The following ZNF827 variants were observed in gnomAD, a reference collection of about 807,000 sequenced individuals.
The protein encoded by ZNF827 is zinc finger protein 827.
A neutral mutation model predicts 102.4 loss-of-function variants in ZNF827; 13 were observed. The observed-to-expected ratio is 0.13, with a 90% CI of 0.08 to 0.20. The LOEUF (loss-of-function observed/expected upper bound fraction) is 0.20, where lower values mean the gene tolerates loss of function less well. Ranked by LOEUF, ZNF827 falls within the 10% of genes least tolerant of loss-of-function variation. The pLI is 1.00. For synonymous variants in ZNF827, 523 were observed against 536.2 expected (o/e 0.98, Z 0.34); for missense variants, 1,103 against 1,344.4 (o/e 0.82, Z 2.81).
chr4:145,876,817 C>T (rs916972092), intron 4 of ZNF827: 2 of 152,190 alleles, frequency 1.3e-5, no homozygotes, highest in Non-Finnish European at 2.9e-5. Flanking sequence ...ATGTTGTCAA[C>T]TTTGAAGCAA....
chr4:145,763,811 T>A lies in ZNF827; in HGVS notation c.3231-689A>T, dbSNP rs527664141. 2.6e-5 allele frequency among the ~76,000 whole-genome samples: 4 copies of A among 152,334 alleles called. No homozygotes were observed. In the South Asian group the frequency reaches 8.3e-4, roughly 32 times the overall value. On this transcript the variant is annotated intron_variant, in intron 13 of 14. Transcript: ENST00000508784. This position sits in a 1 kb window ranked among gnomAD's most constrained non-coding sequence, Gnocchi z 4.6. ...TCCTAGGCATTTCCCATCTACTGGT[T>A]TCCTTGAATTATAATCACCCCCTCC...
intron 1 of ZNF827, among the ~76,000 whole-genome samples, chr4:145,932,412 C>G (rs564271085): frequency 2.4e-3 from 368 of 152,096 alleles, no homozygotes; most frequent in African/African-American, 8.0e-3. Context: ...CCCAGCCAGG[C>G]ACCATACATT....
In ZNF827 at chr4:145,884,485, G is replaced by A. The variant is rs1026585494; in HGVS notation, c.1747+1193C>T. Among the ~76,000 whole-genome samples, 6 of 152,142 alleles carry A rather than the reference G, an allele frequency of 3.9e-5. 1 individual carries two copies. Among genetic ancestry groups the A allele is most frequent in the South Asian group, 4.2e-4 (2 of 4,816 alleles). ...CTCCAAAGAGCTGACATGGCATTTG[G>A]AAATCATCGTGGGGACTTCCATCTT... On this transcript the variant is annotated intron_variant, in intron 4 of 14. Coordinates refer to ENST00000508784, the MANE Select transcript of ZNF827 (RefSeq NM_001306215.2).
At chr4:145,837,877 C>T (rs1037707527) in intron 7 of ZNF827, among the ~76,000 whole-genome samples, 2 of 151,866 alleles carry the variant, frequency 1.3e-5, no homozygotes, top group South Asian at 2.1e-4. Context: ...CCTTACAAGA[C>T]CTCCCTTCAG....
At chr4:145,806,389 CAA>C (rs1741455918) in intron 8 of ZNF827, among the ~76,000 whole-genome samples, 2 of 151,980 alleles carry the variant, frequency 1.3e-5, no homozygotes, top group Non-Finnish European at 2.9e-5. Flanking sequence ...CTCCTGAGCT[CAA>C]GCAATACTCC....
At chr4:145,863,402 T>C (rs1747902868) in intron 5 of ZNF827, among the ~76,000 whole-genome samples, 1 of 152,184 alleles carries the variant, frequency 6.6e-6, no homozygotes, top group Non-Finnish European at 1.5e-5. Context: ...CCTAGGTATA[T>C]ACCCAAGAGA....
chr4:145,835,321 T>G (rs1047482832), intron 7 of ZNF827: 1 of 151,398 alleles, frequency 6.6e-6, no homozygotes, highest in South Asian at 2.1e-4. Context: ...CTTAATCAAT[T>G]CGGAGGCTAC....
intron 1 of ZNF827, among the ~76,000 whole-genome samples, chr4:145,922,708 G>A (rs1475313412): frequency 6.6e-6 from 1 of 152,224 alleles, no homozygotes; most frequent in African/African-American, 2.4e-5. Flanking sequence ...TGAGTTAAGA[G>A]CCGAACTAGC....
chr4:145,836,201 C>A (rs1452384201), intron 7 of ZNF827, among the ~76,000 whole-genome samples: 1 of 151,714 alleles, frequency 6.6e-6, no homozygotes, highest in Non-Finnish European at 1.5e-5. Flanking sequence ...CATAAAAACA[C>A]ACGTGCTCTC....
chr4:145,846,204 T>C (rs985793557), intron 6 of ZNF827, among the ~76,000 whole-genome samples, 191 bp from the exon 7 acceptor site: 1 of 152,184 alleles, frequency 6.6e-6, no homozygotes, highest in African/African-American at 2.4e-5. Flanking sequence ...GTTGATAGTA[T>C]CCAGTGGCTC....
In ZNF827 at chr4:145,938,345, G is replaced by A; in HGVS notation, c.43+20C>T. On this transcript the variant is annotated intron_variant, in intron 1 of 14. Transcript: ENST00000508784. ...GGGCGAGAAAATGGCACGAGAGGAG[G>A]TGGAGAAGGGATGACTTACGTGAGG... 1.2e-6 allele frequency: 2 copies of A among 1,613,766 alleles called. No individual in the cohort carries two copies. The highest frequency in any genetic ancestry group is 1.7e-6 in the Non-Finnish European group (2 of 1,179,948).
At chr4:145,922,310 C>T (rs1389672920) in intron 1 of ZNF827, among the ~76,000 whole-genome samples, 1 of 152,172 alleles carries the variant, frequency 6.6e-6, no homozygotes, top group Non-Finnish European at 1.5e-5. Context: ...AAGATCAAAA[C>T]TGTTTTTATA....
chr4:145,796,650 CAG>C (rs1347684532), intron 8 of ZNF827, among the ~76,000 whole-genome samples: 1 of 88,414 alleles, frequency 1.1e-5, no homozygotes, highest in African/African-American at 4.9e-5. Context: ...TTTTTTGAGA[CAG>C]GGGTTTTGCT....
intron 5 of ZNF827, among the ~76,000 whole-genome samples, chr4:145,855,336 G>A (rs748889467): frequency 1.3e-5 from 2 of 152,046 alleles, no homozygotes; most frequent in Admixed American, 6.6e-5. Flanking sequence ...AAAATCTTTC[G>A]TCTCCAACTT....
Position 145,758,634 on chromosome 4 carries a change from T to C in ZNF827, c.*2982A>G, listed in dbSNP as rs1734147834. The C allele has an allele frequency of 6.6e-6, 1 of 152,342 alleles. No individual in the cohort carries two copies. The highest frequency in any genetic ancestry group is 2.4e-5 in the African/African-American group (1 of 41,474). 9.4% of individuals were successfully genotyped at this position (152,342 alleles called of 1,614,324 possible). The stretch of plus-strand genomic sequence containing the variant: ...AACCCACCCATAAGCCCAGTATTCT[T>C]GGAGTGTATTGTCCATAACTATCTA... On this transcript the variant is annotated 3_prime_UTR_variant, in exon 15 of 15. Transcript: ENST00000508784.
Position 145,761,381 on chromosome 4 carries a change from C to T in ZNF827, c.*235G>A, listed in dbSNP as rs1734468043. ...GGCCGCTCCCCGGTGTGGACGCGCACGTGCTCGATGAGCTTGTTGGCGGTC... is the reference window on the plus strand; with the variant it reads ...GGCCGCTCCCCGGTGTGGACGCGCATGTGCTCGATGAGCTTGTTGGCGGTC... On this transcript the variant is annotated 3_prime_UTR_variant, in exon 15 of 15. Coordinates refer to ENST00000508784, the MANE Select transcript of ZNF827 (RefSeq NM_001306215.2). The surrounding 1 kb of genome is among the most constrained non-coding windows in gnomAD (Gnocchi z 6.8). 1.6e-6 allele frequency: 2 copies of T among 1,289,890 alleles called. No individual in the cohort carries two copies. Among genetic ancestry groups the T allele is most frequent in the South Asian group, 1.2e-5 (1 of 81,052 alleles). The allele number at this position is 1,289,890 out of a possible 1,614,324, so 79.9% of individuals were successfully genotyped here.
At chr4:145,826,039 G>C (rs559119642) in intron 7 of ZNF827, among the ~76,000 whole-genome samples, 1 of 152,224 alleles carries the variant, frequency 6.6e-6, no homozygotes, top group Non-Finnish European at 1.5e-5. Context: ...GCTACAGAGA[G>C]AAGATATTAG....
Position 145,765,112 on chromosome 4 carries a change from G to A in ZNF827, c.3106C>T (p.Arg1036Cys). 1 of 1,613,930 alleles carries A rather than the reference G, an allele frequency of 6.2e-7. No individual in the cohort carries two copies. The highest frequency in any genetic ancestry group is 8.5e-7 in the Non-Finnish European group (1 of 1,179,944). Residue 1036 changes from arginine (R) to cysteine (C), a missense_variant, in exon 13 of 15, where the codon CGT becomes TGT. Around this residue, in one of 5 missense-constraint regions of ZNF827, gnomAD observed 242 missense variants for 361.9 expected, o/e 0.67. Coordinates refer to ENST00000508784, the MANE Select transcript of ZNF827 (RefSeq NM_001306215.2). This position sits in a 1 kb window ranked among gnomAD's most constrained non-coding sequence, Gnocchi z 4.7. Reference protein sequence around the residue: ...FVCKTKNMFERHLQIHLITRM... With the variant: ...FVCKTKNMFECHLQIHLITRM... ...GTGATGAGGTGTATCTGCAGATGAC[G>A]CTCAAACATGTTCTTCGTCTTGCAG...
At chr4:145,870,970 G>A (rs1748633044) in intron 4 of ZNF827, among the ~76,000 whole-genome samples, 1 of 152,148 alleles carries the variant, frequency 6.6e-6, no homozygotes, top group Non-Finnish European at 1.5e-5. Context: ...TCAGACTAGA[G>A]ATAGACCACT....
Sources: gnomAD v4.1 joint callset for allele counts (sites outside exome capture counted in the v4.1 genomes callset) on GRCh38, gnomAD v4.1.1 for gene constraint, gnomAD v4.1.1 regional missense constraint, Gnocchi (gnomAD v3.1) non-coding constraint, MANE v1.5 for transcripts, NCBI Gene and HGNC (gene_info 2026-07-23, HGNC 2026-07-21) for gene names.